SEM1: variants seen among roughly 807,000 people sequenced by gnomAD.
SEM1 encodes SEM1 26S proteasome subunit.
SEM1 carries 3 observed loss-of-function variants against 12.7 expected under a neutral mutation model. The observed-to-expected ratio is 0.24, with a 90% CI of 0.11 to 0.61. The LOEUF (loss-of-function observed/expected upper bound fraction) is 0.61, where lower values mean the gene tolerates loss of function less well. Ranked by LOEUF, SEM1 falls within the 20% of genes least tolerant of loss-of-function variation. The probability of loss-of-function intolerance (pLI) is 0.88; values close to 1 mark genes in which losing one functional copy is unlikely to be tolerated. For missense variants in SEM1, 59 were observed against 81.3 expected (o/e 0.73, Z 1.06); for synonymous variants, 30 against 27.8 (o/e 1.08, Z -0.25).
At chr7:96,597,132 C>G (rs895772836) in intron 2 of SEM1, among the ~76,000 whole-genome samples, 4 of 152,146 alleles carry the variant, frequency 2.6e-5, no homozygotes, top group Non-Finnish European at 5.9e-5. Flanking sequence ...TTCTCCTTTG[C>G]CACTGAGCAT....
intron 1 of SEM1, chr7:96,697,276 C>A (rs1790126438): frequency 6.6e-6 from 1 of 151,824 alleles, no homozygotes; most frequent in Non-Finnish European, 1.5e-5. Flanking sequence ...AGACGTTGTC[C>A]CAAATTGGGC....
intron 2 of SEM1, among the ~76,000 whole-genome samples, chr7:96,657,024 C>T (rs1200178478): frequency 1.3e-5 from 2 of 151,790 alleles, no homozygotes; most frequent in Admixed American, 1.3e-4. Flanking sequence ...TGTCGTAAGC[C>T]CTTTAAAATA....
chr7:96,660,918 A>T lies in SEM1; in HGVS notation c.170+33880T>A, dbSNP rs545614265. On this transcript the variant is annotated intron_variant, in intron 2 of 2. Coordinates refer to the SEM1 transcript ENST00000417009. ...TACATGTATGTATCAGAAATAGAAA[A>T]ACGTAATTACAAAAAAAATCCTGTC... 3.9e-5 allele frequency among the ~76,000 whole-genome samples: 6 copies of T among 152,300 alleles called. No individual in the cohort carries two copies. The South Asian group carries it at 1.2e-3, about 32-fold the overall frequency.
At chr7:96,499,513 T>C (rs1052431629), upstream of SEM1, among the ~76,000 whole-genome samples, 1 of 152,180 alleles carries the variant, frequency 6.6e-6, no homozygotes, top group Admixed American at 6.5e-5. Flanking sequence ...GTTCCTTATG[T>C]GTCTTGAACA....
rs1292361846 is a variant in SEM1, at chr7:96,583,528, G to A, written c.171-76830C>T. On this transcript the variant is annotated intron_variant and NMD_transcript_variant, in intron 2 of 3. Coordinates refer to the SEM1 transcript ENST00000466986. ...CTGAGTTCAATTCCTGGGTATCCTT[G>A]TTGACTTTCTGTCTTGTTGATCTGT... 3.3e-5 allele frequency among the ~76,000 whole-genome samples: 5 copies of A among 149,546 alleles called. 1 individual carries two copies. Among genetic ancestry groups the A allele is most frequent in the African/African-American group, 9.8e-5 (4 of 40,850 alleles).
chr7:96,679,997 C>T (rs561687497), intron 2 of SEM1, among the ~76,000 whole-genome samples: 1 of 152,206 alleles, frequency 6.6e-6, no homozygotes, highest in African/African-American at 2.4e-5. Context: ...CTGTGGTAGC[C>T]AGAGCCTACT....
chr7:96,622,872 G>C, intron 2 of SEM1: 1 of 525,908 alleles, frequency 1.9e-6, no homozygotes, highest in Non-Finnish European at 3.4e-6. Context: ...TCTAGCCACA[G>C]TGAGCTCTGC....
At chr7:96,512,228 G>A (rs563520711) in intron 2 of SEM1, among the ~76,000 whole-genome samples, 4 of 152,046 alleles carry the variant, frequency 2.6e-5, no homozygotes, top group South Asian at 2.1e-4. Flanking sequence ...ATAGAGTAGG[G>A]AGAGCCTGAC....
intron 2 of SEM1, among the ~76,000 whole-genome samples, chr7:96,675,492 T>C (rs900607050): frequency 7.2e-5 from 11 of 152,194 alleles, no homozygotes; most frequent in African/African-American, 2.2e-4. Flanking sequence ...TTAGGTGATA[T>C]TAACAGCTAA....
intron 2 of SEM1, among the ~76,000 whole-genome samples, chr7:96,577,591 CT>C (rs1047861801): frequency 1.3e-5 from 2 of 151,900 alleles, no homozygotes; most frequent in African/African-American, 2.4e-5. Context: ...ACAAAGAAGC[CT>C]TTACATGGAT....
intron 2 of SEM1, among the ~76,000 whole-genome samples, chr7:96,533,003 C>T (rs760930452): frequency 2.0e-4 from 31 of 152,046 alleles, no homozygotes; most frequent in Non-Finnish European, 2.9e-4. Context: ...TAATGGACTC[C>T]TTAAACATCC....
intron 1 of SEM1, chr7:96,486,436 G>T: frequency 6.5e-7 from 1 of 1,532,710 alleles, no homozygotes; most frequent in Admixed American, 2.0e-5. Context: ...GAAGTTGAAG[G>T]TATTATCCTA....
chr7:96,495,586 T>C (rs1304872696), intron 1 of SEM1, among the ~76,000 whole-genome samples: 1 of 152,170 alleles, frequency 6.6e-6, no homozygotes, highest in Non-Finnish European at 1.5e-5. Flanking sequence ...TTGAATAAAC[T>C]ATTGTTCTGG....
At chr7:96,663,665 C>T (rs1042521732) in intron 2 of SEM1, among the ~76,000 whole-genome samples, 4 of 152,146 alleles carry the variant, frequency 2.6e-5, no homozygotes, top group African/African-American at 9.7e-5. Context: ...TAATTACTTT[C>T]CTTACAGTAG....
At chr7:96,702,276 A>G (rs1038491563) in intron 1 of SEM1, among the ~76,000 whole-genome samples, 1 of 152,166 alleles carries the variant, frequency 6.6e-6, no homozygotes, top group African/African-American at 2.4e-5. Flanking sequence ...ACTCCTGTAC[A>G]TCCCTAGTTC....
intron 1 of SEM1, among the ~76,000 whole-genome samples, chr7:96,704,010 C>CACACACACACACACATAT (rs1390081341): frequency 1.5e-4 from 21 of 143,826 alleles, no homozygotes; most frequent in African/African-American, 5.4e-4. Flanking sequence ...CACACACACA[C>CACACACACACACACATAT]ATACATAAAA....
intron 2 of SEM1, among the ~76,000 whole-genome samples, chr7:96,515,433 G>A (rs868761148): frequency 6.6e-6 from 1 of 152,262 alleles, no homozygotes; most frequent in Middle Eastern, 3.4e-3. Flanking sequence ...TGGTGGGAGT[G>A]TAAAATAATT....
At chr7:96,519,889 C>A (rs1307587276) in intron 2 of SEM1, among the ~76,000 whole-genome samples, 1 of 151,940 alleles carries the variant, frequency 6.6e-6, no homozygotes, top group East Asian at 1.9e-4. Flanking sequence ...AGAAGGAGCA[C>A]CTAACAGTCA....
intron 1 of SEM1, chr7:96,696,261 G>GA (rs1203853767): frequency 1.3e-5 from 2 of 151,846 alleles, no homozygotes; most frequent in Non-Finnish European, 2.9e-5. Context: ...TGAAGAGGGG[G>GA]AAAAAGAATA....
Sources: gnomAD v4.1 joint callset for allele counts (sites outside exome capture counted in the v4.1 genomes callset) on GRCh38, gnomAD v4.1.1 for gene constraint, MANE v1.5 for transcripts, NCBI Gene and HGNC (gene_info 2026-07-23, HGNC 2026-07-21) for gene names.